The following FAXC variants were observed in gnomAD, a reference collection of about 807,000 sequenced individuals.
FAXC encodes failed axon connections homolog.
In FAXC, 10 loss-of-function variants were observed where a neutral mutation model predicts 41.9. The observed-to-expected ratio is 0.24, with a 90% CI of 0.15 to 0.41. FAXC has a LOEUF of 0.41. Among genes scored for constraint, FAXC ranks in the 10% least tolerant of loss-of-function variants. FAXC has a pLI of 1.00. For missense variants in FAXC, 399 were observed against 510.9 expected (o/e 0.78, Z 2.11); for synonymous variants, 183 against 183.8 (o/e 1.00, Z 0.03).
intron 1 of FAXC, among the ~76,000 whole-genome samples, chr6:99,348,613 T>TA (rs577591154): frequency 2.0e-4 from 30 of 152,202 alleles, no homozygotes; most frequent in Non-Finnish European, 3.2e-4. Flanking sequence ...CTACACTTGG[T>TA]CATGCATCTT....
rs184781713 is a variant in FAXC, at chr6:99,307,492, A to C, written c.824-15672T>G. 3.1e-3 allele frequency among the ~76,000 whole-genome samples: 466 copies of C among 152,266 alleles called. 2 individuals carry two copies. The highest frequency in any genetic ancestry group is 0.011 in the African/African-American group (452 of 41,550). ...GAGAGTGGCTTCCATGACTGAGCTC[A>C]GTCTTGACTGAGTGGAAGGGAAGTC... On this transcript the variant is annotated intron_variant, in intron 4 of 5. Coordinates refer to ENST00000389677, the MANE Select transcript of FAXC (RefSeq NM_032511.4).
intron 2 of FAXC, among the ~76,000 whole-genome samples, chr6:99,337,428 C>G (rs1773253782): frequency 6.6e-6 from 1 of 152,148 alleles, no homozygotes; most frequent in African/African-American, 2.4e-5. Context: ...CTACTTATAT[C>G]AAATGATGTA....
chr6:99,290,559 G>A (rs931629550), intron 5 of FAXC, among the ~76,000 whole-genome samples: 2 of 151,392 alleles, frequency 1.3e-5, no homozygotes, highest in East Asian at 4.0e-4. Context: ...AAAATTAGCC[G>A]GGCATGGTGT....
chr6:99,346,636 G>A (rs540143402), intron 1 of FAXC, among the ~76,000 whole-genome samples: 66 of 151,758 alleles, frequency 4.3e-4, no homozygotes, highest in African/African-American at 1.4e-3. Flanking sequence ...TCTTGACCTC[G>A]TGATCCGCCC....
At chr6:99,284,326 T>C (rs981957948) in intron 5 of FAXC, 2 of 152,172 alleles carry the variant, frequency 1.3e-5, no homozygotes, top group Non-Finnish European at 2.9e-5. Flanking sequence ...TTCCAACATG[T>C]AGTTGAGAAA....
intron 2 of FAXC, among the ~76,000 whole-genome samples, chr6:99,339,020 T>C (rs1379358662): frequency 2.0e-5 from 3 of 152,208 alleles, no homozygotes; most frequent in Non-Finnish European, 4.4e-5. Context: ...AACTAAAGCA[T>C]GTCAACCATG....
Position 99,281,318 on chromosome 6 carries a change from A to G in FAXC, c.1076T>C (p.Leu359Pro). 2 of 1,614,182 alleles carry G rather than the reference A, an allele frequency of 1.2e-6. No individual in the cohort carries two copies. The highest frequency in any genetic ancestry group is 1.7e-6 in the Non-Finnish European group (2 of 1,180,028). Residue 359 changes from leucine to proline, a missense_variant, in exon 6 of 6, where the codon CTG (leucine) becomes CCG (proline). By Grantham distance (98) the Leu-to-Pro change is moderately conservative. This residue lies in a region of FAXC where 92 missense variants were observed against 94.9 expected (regional missense o/e 0.97). Transcript: ENST00000389677. Reference sequence around the variant, plus strand: ...TGTCCTTGAGTAAAAGCTAAAATCCAGCAGCGGGGTGTGGGTTTTGCTGCC... The same window carrying G: ...TGTCCTTGAGTAAAAGCTAAAATCCGGCAGCGGGGTGTGGGTTTTGCTGCC... ...SEGSKTHTPLLDFSFYSRTET... is the reference protein window; with the variant it reads ...SEGSKTHTPLPDFSFYSRTET...
At chr6:99,293,904 A>G (rs1347487732) in intron 4 of FAXC, among the ~76,000 whole-genome samples, 1 of 152,122 alleles carries the variant, frequency 6.6e-6, no homozygotes, top group Non-Finnish European at 1.5e-5. Flanking sequence ...AAGCTGAGGA[A>G]ACTGAGTATC....
In FAXC at chr6:99,289,681, A is replaced by G. The variant is rs533491568; in HGVS notation, c.940+2023T>C. 9.5e-5 allele frequency among the ~76,000 whole-genome samples: 8 copies of G among 83,980 alleles called. No homozygotes were observed. The South Asian group carries it at 3.9e-3, about 41-fold the overall frequency. The allele number at this position is 83,980 out of a possible 152,430, so 55.1% of individuals were successfully genotyped here. ...AATATATATGTATATGTAAATGTAC[A>G]TATGTATATGTGTGTGTGTGTGTGT... On this transcript the variant is annotated intron_variant, in intron 5 of 5. Coordinates refer to ENST00000389677, the MANE Select transcript of FAXC (RefSeq NM_032511.4).
chr6:99,308,885 A>AAT (rs1772043376), intron 4 of FAXC, among the ~76,000 whole-genome samples: 1 of 152,188 alleles, frequency 6.6e-6, no homozygotes, highest in Non-Finnish European at 1.5e-5. Flanking sequence ...ATTTTTTAAA[A>AAT]TTTTCGTTTA....
intron 4 of FAXC, among the ~76,000 whole-genome samples, chr6:99,301,870 G>A (rs1287314535): frequency 6.6e-6 from 1 of 152,222 alleles, no homozygotes; most frequent in Non-Finnish European, 1.5e-5. Flanking sequence ...GCTGAAAGAA[G>A]TACCTACTGG....
intron 4 of FAXC, among the ~76,000 whole-genome samples, chr6:99,306,828 T>C (rs1425405339): frequency 6.6e-6 from 1 of 152,184 alleles, no homozygotes; most frequent in Non-Finnish European, 1.5e-5. Context: ...AATAAGTTAA[T>C]ACCTGAAAAG....
intron 4 of FAXC, among the ~76,000 whole-genome samples, chr6:99,313,905 C>G (rs774744990): frequency 3.9e-5 from 6 of 152,172 alleles, no homozygotes; most frequent in Non-Finnish European, 7.4e-5. Flanking sequence ...CATACCCACA[C>G]CTGAAATTCA....
rs2128445491 is a variant in FAXC at position 99,279,301 on chromosome 6, A to G, written c.*1863T>C. The G allele has an allele frequency of 6.6e-6, 1 of 152,342 alleles. No homozygotes were observed. Among genetic ancestry groups the G allele is most frequent in the African/African-American group, 2.4e-5 (1 of 41,582 alleles). The allele number at this position is 152,342 out of a possible 1,614,324, so 9.4% of individuals were successfully genotyped here. A position where few individuals can be genotyped will look rare whatever the true frequency, so the allele number is the denominator to read the frequency against. On this transcript the variant is annotated 3_prime_UTR_variant, in exon 6 of 6. Transcript: ENST00000389677. ...TAACAACTAAGTTTCCCATGGAATAAGAATTTCTAACTTAGGGTATCTCAG... is the reference window on the plus strand; with the variant it reads ...TAACAACTAAGTTTCCCATGGAATAGGAATTTCTAACTTAGGGTATCTCAG...
intron 4 of FAXC, among the ~76,000 whole-genome samples, chr6:99,306,888 T>G (rs764005149): frequency 6.6e-6 from 1 of 152,174 alleles, no homozygotes; most frequent in African/African-American, 2.4e-5. Flanking sequence ...TGTTAGTAGT[T>G]GCTACATCCA....
chr6:99,340,127 T>C (rs1773368659), intron 2 of FAXC, among the ~76,000 whole-genome samples: 1 of 152,004 alleles, frequency 6.6e-6, no homozygotes, highest in Non-Finnish European at 1.5e-5. Context: ...TGAGACAGGG[T>C]CTCACTCTGT....
intron 2 of FAXC, 151 bp from the exon 3 acceptor site, chr6:99,333,698 A>C (rs1773111094): frequency 1.6e-6 from 1 of 631,144 alleles, no homozygotes. Flanking sequence ...TTAAGACAAT[A>C]CATGGTTACT....
Position 99,349,597 on chromosome 6 carries a change from G to A in FAXC, c.-225C>T, listed in dbSNP as rs1349796468. 5.5e-5 allele frequency: 9 copies of A among 163,042 alleles called. No homozygotes were observed. Among genetic ancestry groups the A allele is most frequent in the Admixed American group, 1.3e-4 (2 of 15,232 alleles). 10.1% of individuals were successfully genotyped at this position (163,042 alleles called of 1,614,324 possible). A position where few individuals can be genotyped will look rare whatever the true frequency, so the allele number is the denominator to read the frequency against. On this transcript the variant is annotated 5_prime_UTR_variant, in exon 1 of 6. Coordinates refer to ENST00000389677, the MANE Select transcript of FAXC (RefSeq NM_032511.4). ...CTGGCCGGCGGGGCCCCAGAGCCCT[G>A]GGCGGCAGCAGCGGCCGCCGGCTCC...
chr6:99,319,293 C>T (rs1039236889), intron 4 of FAXC, among the ~76,000 whole-genome samples: 7 of 150,152 alleles, frequency 4.7e-5, no homozygotes, highest in African/African-American at 1.5e-4. Flanking sequence ...CAGCTACTTA[C>T]GAGGGTGAGA....
Sources: allele counts gnomAD v4.1 joint callset (sites outside exome capture counted in the v4.1 genomes callset), GRCh38; gene constraint gnomAD v4.1.1; regional missense constraint gnomAD v4.1.1; transcripts MANE v1.5; gene names NCBI Gene and HGNC (gene_info 2026-07-23, HGNC 2026-07-21).